Variants in SPOCK3 observed in about 807,000 individuals in gnomAD.
SPOCK3 encodes the protein SPARC (osteonectin), cwcv and kazal like domains proteoglycan 3, also known as testican-3.
A neutral mutation model predicts 56.6 loss-of-function variants in SPOCK3; 30 were observed. That is an observed-to-expected ratio of 0.53 (90% CI 0.40 to 0.72). The LOEUF (loss-of-function observed/expected upper bound fraction) is 0.72. Among genes scored for constraint, SPOCK3 ranks in the 30% least tolerant of loss-of-function variants. The pLI, the probability that SPOCK3 is intolerant of heterozygous loss-of-function variation, is 0.00. For missense variants in SPOCK3, 527 were observed against 530.0 expected, an observed-to-expected ratio of 0.99 and a Z score of 0.06; for synonymous variants, 196 against 183.3, an observed-to-expected ratio of 1.07 and a Z score of -0.56.
intron 2 of SPOCK3, among the ~76,000 whole-genome samples, chr4:167,179,041 T>A (rs1309745999): frequency 6.6e-6 from 1 of 152,158 alleles, no homozygotes; most frequent in Non-Finnish European, 1.5e-5. Flanking sequence ...ATTTCCTGAG[T>A]AAACTTTTGT....
intron 2 of SPOCK3, among the ~76,000 whole-genome samples, chr4:167,205,364 TATATTTTATATATATAATA>T: frequency 5.2e-5 from 2 of 38,196 alleles, no homozygotes; most frequent in African/African-American, 3.0e-4. Flanking sequence ...ATATATATTA[TATATTTTATATATATAATA>T]TATATATTTT....
chr4:166,953,848 C>T lies in SPOCK3; in HGVS notation c.351-41105G>A, dbSNP rs936034919. 5.9e-5 allele frequency among the ~76,000 whole-genome samples: 9 copies of T among 152,054 alleles called. No individual in the cohort carries two copies. In the South Asian group the frequency reaches 8.3e-4, roughly 14 times the overall value. Reference sequence around the variant, plus strand: ...ACTATCGTAAGAACAAAAAACCAAACACCGCATATTCTCACTCACAGGTGG... The same window carrying T: ...ACTATCGTAAGAACAAAAAACCAAATACCGCATATTCTCACTCACAGGTGG... On this transcript the variant is annotated intron_variant, in intron 4 of 10. Transcript: ENST00000357545.
intron 3 of SPOCK3, among the ~76,000 whole-genome samples, chr4:167,036,189 AT>A (rs1580077585): frequency 7.9e-6 from 1 of 127,230 alleles, no homozygotes. Context: ...TGGCTCAACT[AT>A]TTTGAGCTCT....
At chr4:167,123,575 G>A (rs7435823) in intron 2 of SPOCK3, among the ~76,000 whole-genome samples, 2 of 151,748 alleles carry the variant, frequency 1.3e-5, no homozygotes, top group African/African-American at 4.8e-5. Context: ...GATGTTCCAT[G>A]GTTCTAGGTT....
intron 2 of SPOCK3, among the ~76,000 whole-genome samples, chr4:167,102,908 C>T (rs1023780522): frequency 1.6e-5 from 2 of 122,826 alleles, no homozygotes; most frequent in African/African-American, 6.4e-5. Context: ...CAACACCAGG[C>T]AATATAGCTT....
intron 3 of SPOCK3, among the ~76,000 whole-genome samples, chr4:167,029,927 T>C (rs1239273906): frequency 1.3e-5 from 2 of 152,032 alleles, no homozygotes; most frequent in Non-Finnish European, 2.9e-5. Context: ...TTATTCAAAA[T>C]GTATTCTTTG....
intron 3 of SPOCK3, 147 bp from the exon 4 acceptor site, chr4:167,000,610 C>A: frequency 1.9e-6 from 1 of 533,478 alleles, no homozygotes; most frequent in East Asian, 3.2e-5. Flanking sequence ...GAAACTTCTG[C>A]TTCTACCCAC....
At chr4:167,234,356 A>G (rs1400394028) in intron 1 of SPOCK3, 94 bp downstream of exon 1, 3 of 625,660 alleles carry the variant, frequency 4.8e-6, no homozygotes, top group African/African-American at 1.8e-5. Context: ...GCACTCACAC[A>G]CACGCAGACC....
intron 4 of SPOCK3, among the ~76,000 whole-genome samples, chr4:166,913,298 C>T (rs1418436613): frequency 6.6e-6 from 1 of 152,090 alleles, no homozygotes; most frequent in African/African-American, 2.4e-5. Flanking sequence ...TCAAATAGAT[C>T]CATGCAGCTT....
chr4:166,903,149 AT>A (rs1736240059), intron 5 of SPOCK3, among the ~76,000 whole-genome samples: 1 of 147,490 alleles, frequency 6.8e-6, no homozygotes. Context: ...ATAATTTATA[AT>A]TTAATTTATT....
rs572319248 is a variant in SPOCK3, at chr4:166,952,616, G to A, written c.351-39873C>T. Among the ~76,000 whole-genome samples the A allele has an allele frequency of 3.9e-3, 587 of 152,196 alleles. 6 individuals carry two copies. Among genetic ancestry groups the A allele is most frequent in the African/African-American group, 0.013 (558 of 41,538 alleles). ...TTCATATGGAACCAAAAAAGAGCCCGCATCGTCAAGGCAATCCTAAGTCAA... is the reference window on the plus strand; with the variant it reads ...TTCATATGGAACCAAAAAAGAGCCCACATCGTCAAGGCAATCCTAAGTCAA... On this transcript the variant is annotated intron_variant, in intron 4 of 10. Transcript: ENST00000357545.
chr4:167,131,099 A>G (rs1251190275), intron 2 of SPOCK3, among the ~76,000 whole-genome samples: 1 of 152,178 alleles, frequency 6.6e-6, no homozygotes, highest in Admixed American at 6.5e-5. Context: ...AAATATTACT[A>G]AATTAATTGT....
intron 6 of SPOCK3, among the ~76,000 whole-genome samples, chr4:166,866,614 G>C (rs1447830251): frequency 1.3e-5 from 2 of 152,100 alleles, no homozygotes; most frequent in South Asian, 4.2e-4. Flanking sequence ...ATCAAAAAGT[G>C]GGCAAAGGAT....
At chr4:167,084,062 T>G (rs955571113) in intron 2 of SPOCK3, among the ~76,000 whole-genome samples, 5 of 152,090 alleles carry the variant, frequency 3.3e-5, no homozygotes, top group African/African-American at 1.2e-4. Context: ...CTTAAGAGGA[T>G]AAGCACAGTA....
Position 166,873,772 on chromosome 4 carries a change from T to C in SPOCK3, c.589+15358A>G, listed in dbSNP as rs551523740. Among the ~76,000 whole-genome samples the C allele has an allele frequency of 5.3e-5, 8 of 152,226 alleles. No individual in the cohort carries two copies. In the South Asian group the frequency reaches 1.2e-3, roughly 24 times the overall value. On this transcript the variant is annotated intron_variant, in intron 6 of 10. Transcript: ENST00000357545. ...ATTTGAACAATTATTTTCTCTACAC[T>C]AGGCACTGTAGATGCTAAGAACATA...
At chr4:167,158,568 C>T (rs1483719106) in intron 2 of SPOCK3, among the ~76,000 whole-genome samples, 1 of 151,874 alleles carries the variant, frequency 6.6e-6, no homozygotes, top group Non-Finnish European at 1.5e-5. Flanking sequence ...AAGTAAATAA[C>T]CTTTGAGAGT....
At chr4:166,858,031 A>G (rs1461271871) in intron 6 of SPOCK3, among the ~76,000 whole-genome samples, 1 of 152,230 alleles carries the variant, frequency 6.6e-6, no homozygotes, top group Non-Finnish European at 1.5e-5. Context: ...CTGGCTTTGT[A>G]ATATAATTAT....
chr4:167,190,472 T>C (rs1363135943), intron 2 of SPOCK3, among the ~76,000 whole-genome samples: 1 of 146,432 alleles, frequency 6.8e-6, no homozygotes, highest in Non-Finnish European at 1.5e-5. Flanking sequence ...TTTTATTTGT[T>C]TTGGCATATT....
At chr4:166,800,279 C>T (rs568537540) in intron 6 of SPOCK3, among the ~76,000 whole-genome samples, 18 of 146,836 alleles carry the variant, frequency 1.2e-4, no homozygotes, top group Non-Finnish European at 2.2e-4. Context: ...TATCTGATTA[C>T]AAGCGAATTT....
Sources: gnomAD v4.1 joint callset for allele counts (sites outside exome capture counted in the v4.1 genomes callset) on GRCh38, gnomAD v4.1.1 for gene constraint, MANE v1.5 for transcripts, NCBI Gene and HGNC (gene_info 2026-07-23, HGNC 2026-07-21) for gene names.